CSMD2: variants seen among roughly 807,000 people sequenced by gnomAD.
The protein encoded by CSMD2 is CUB and Sushi multiple domains 2.
CSMD2 carries 130 observed loss-of-function variants against 398.5 expected under a neutral mutation model. That is an observed-to-expected ratio of 0.33 (90% CI 0.28 to 0.38). CSMD2 has a LOEUF of 0.38. CSMD2 is among the 10% of genes least tolerant of loss of function. The pLI is 1.00. For synonymous variants in CSMD2, 1,828 were observed against 1,908.5 expected (o/e 0.96, Z 1.10); for missense variants, 3,829 against 4,764.9 (o/e 0.80, Z 5.78).
At chr1:33,599,784 T>C (rs1221618966) in intron 44 of CSMD2, 1 of 189,632 alleles carries the variant, frequency 5.3e-6, no homozygotes, top group East Asian at 1.3e-4. Context: ...CTCCTGGGAA[T>C]GGCAGTCACA....
At chr1:34,072,952 T>C (rs1655904351) in intron 2 of CSMD2, among the ~76,000 whole-genome samples, 1 of 152,092 alleles carries the variant, frequency 6.6e-6, no homozygotes, top group Non-Finnish European at 1.5e-5. Flanking sequence ...GCTGGTCAGG[T>C]GGTGCTGACC....
chr1:33,888,045 A>G (rs1641717865), intron 5 of CSMD2, among the ~76,000 whole-genome samples: 1 of 152,142 alleles, frequency 6.6e-6, no homozygotes, highest in Non-Finnish European at 1.5e-5. Context: ...GGACCTAGGA[A>G]AAAAACCTAA....
At chr1:33,667,806 G>C (rs1198623864) in intron 25 of CSMD2, among the ~76,000 whole-genome samples, 2 of 152,198 alleles carry the variant, frequency 1.3e-5, no homozygotes, top group African/African-American at 4.8e-5. Context: ...GCAACGGAAA[G>C]GACAGAGGCT....
In CSMD2 at chr1:33,633,377, G is replaced by T; in HGVS notation, c.5200+45C>A. On this transcript the variant is annotated intron_variant, in intron 32 of 70. Transcript: ENST00000373381. This position sits in a 1 kb window ranked among gnomAD's most constrained non-coding sequence, Gnocchi z 5.0. ...CCTCCTTCCTTTAGCCGGACGTGAT[G>T]CCCCCGGCCCACAACCATCCCCACA... 1 of 1,408,016 alleles carries T rather than the reference G, an allele frequency of 7.1e-7. No homozygotes were observed. Among genetic ancestry groups the T allele is most frequent in the Non-Finnish European group, 9.8e-7 (1 of 1,017,640 alleles). The allele number at this position is 1,408,016 out of a possible 1,614,324, so 87.2% of individuals were successfully genotyped here. A position where few individuals can be genotyped will look rare whatever the true frequency, so the allele number is the denominator to read the frequency against.
intron 13 of CSMD2, among the ~76,000 whole-genome samples, chr1:33,751,198 T>A (rs1648189031): frequency 6.6e-6 from 1 of 151,258 alleles, no homozygotes; most frequent in Admixed American, 6.6e-5. Context: ...AACAGAGCTA[T>A]TGAGTTGGGA....
chr1:33,601,260 C>T (rs1640198656), intron 43 of CSMD2, among the ~76,000 whole-genome samples: 2 of 152,172 alleles, frequency 1.3e-5, no homozygotes, highest in South Asian at 4.1e-4. Flanking sequence ...GCCCAATGGG[C>T]TCCTGGGCAA....
chr1:33,707,691 GCGCGCACA>G (rs1489695235), intron 22 of CSMD2, among the ~76,000 whole-genome samples: 2,943 of 56,852 alleles, frequency 0.052, 89 homozygotes, highest in African/African-American at 0.11. Context: ...ACACGCGCGC[GCGCGCACA>G]CACACACACA....
chr1:33,705,951 G>T, intron 22 of CSMD2, among the ~76,000 whole-genome samples: 1 of 148,524 alleles, frequency 6.7e-6, no homozygotes. Flanking sequence ...AAAAAAAACA[G>T]TTGGTTTGGT....
chr1:33,520,051 C>T (rs933177433), intron 68 of CSMD2, 101 bp from the exon 69 acceptor site: 1 of 1,387,654 alleles, frequency 7.2e-7, no homozygotes, highest in African/African-American at 1.4e-5. Context: ...AGGGCTGCCA[C>T]TCAGGGTGCT....
At chr1:33,852,505 C>A (rs562556519) in intron 5 of CSMD2, among the ~76,000 whole-genome samples, 45 of 152,338 alleles carry the variant, frequency 3.0e-4, no homozygotes, top group African/African-American at 1.1e-3. Context: ...CTGTAATGCC[C>A]TTTTCCTGTT....
At chr1:33,890,182 T>G (rs945092475) in intron 5 of CSMD2, among the ~76,000 whole-genome samples, 1 of 151,800 alleles carries the variant, frequency 6.6e-6, no homozygotes, top group African/African-American at 2.4e-5. Context: ...CTCGTCTGCT[T>G]TTGTGGGGAT....
At chr1:34,135,533 G>A (rs1396073409) in intron 1 of CSMD2, among the ~76,000 whole-genome samples, 2 of 135,494 alleles carry the variant, frequency 1.5e-5, no homozygotes, top group Non-Finnish European at 3.0e-5. Flanking sequence ...CAGGAGAATC[G>A]CTTAAACCCG....
chr1:33,933,353 A>G (rs1392129408), intron 4 of CSMD2, among the ~76,000 whole-genome samples: 2 of 152,172 alleles, frequency 1.3e-5, no homozygotes, highest in African/African-American at 4.8e-5. Context: ...CCACCATATT[A>G]GCATTGGATA....
chr1:33,841,582 C>T (rs541551344), intron 6 of CSMD2, among the ~76,000 whole-genome samples: 4 of 152,076 alleles, frequency 2.6e-5, no homozygotes, highest in Admixed American at 1.3e-4. Flanking sequence ...AGACTTGAAA[C>T]ATTCCTGGCC....
At chr1:33,735,302 C>T (rs1263566045) in intron 15 of CSMD2, among the ~76,000 whole-genome samples, 2 of 152,242 alleles carry the variant, frequency 1.3e-5, no homozygotes, top group South Asian at 2.1e-4. Context: ...TTTCCTAGGA[C>T]TGGTGCAAGG....
intron 5 of CSMD2, among the ~76,000 whole-genome samples, chr1:33,892,091 AT>A (rs1558062891): frequency 1.2e-5 from 1 of 85,960 alleles, no homozygotes; most frequent in Non-Finnish European, 2.7e-5. Context: ...TAAAGACACC[AT>A]CAAAAAAAAA....
intron 45 of CSMD2, 64 bp from the exon 46 acceptor site, chr1:33,586,681 A>G: frequency 3.0e-6 from 3 of 1,006,550 alleles, no homozygotes; most frequent in South Asian, 1.3e-5. Context: ...CCTTGAACCC[A>G]CTTCCAGGTG....
rs553076878 is a variant in CSMD2, at chr1:33,617,597, G to A, written c.5848C>T (p.Pro1950Ser). ...CCGTTACTGGGCACAGCAGGTTCCG[G>A]ACAACTGCTCAGGCCCACCGCTAGA... Reference protein sequence around the residue: ...EYKTVGLSSCPEPAVPSNGVK... With the variant: ...EYKTVGLSSCSEPAVPSNGVK... The change falls in exon 38 of 71, where the codon CCG (proline) becomes TCG (serine). Residue 1950 changes from proline to serine, a missense_variant. Coordinates refer to ENST00000373381, the MANE Select transcript of CSMD2 (RefSeq NM_001281956.2). 1.2e-5 allele frequency: 19 copies of A among 1,614,022 alleles called. No individual in the cohort carries two copies. In the East Asian group the frequency reaches 4.0e-4, roughly 34 times the overall value.
Position 33,567,613 on chromosome 1 carries a change from C to T in CSMD2, c.8360G>A (p.Gly2787Asp). The T allele has an allele frequency of 2.5e-6, 4 of 1,614,092 alleles. No homozygotes were observed. Among genetic ancestry groups the T allele is most frequent in the South Asian group, 1.1e-5 (1 of 91,080 alleles). ...RICQQDHHWS[G>D]KTPFCVPITC... ...CTTACGCACACAGAAAGGGGTCTTGCCCGACCAGTGATGATCCTGCTGGCA... is the reference window on the plus strand; with the variant it reads ...CTTACGCACACAGAAAGGGGTCTTGTCCGACCAGTGATGATCCTGCTGGCA... Residue 2787 changes from glycine to aspartate, a missense_variant, in exon 53 of 71, where the codon GGC (glycine) becomes GAC (aspartate). Physicochemically the swap from Gly to Asp is moderately conservative, Grantham distance 94. Around this residue, in one of 5 missense-constraint regions of CSMD2, gnomAD observed 917 missense variants for 1,199.5 expected, o/e 0.76. Coordinates refer to ENST00000373381, the MANE Select transcript of CSMD2 (RefSeq NM_001281956.2).
Sources: allele counts gnomAD v4.1 joint callset (sites outside exome capture counted in the v4.1 genomes callset), GRCh38; gene constraint gnomAD v4.1.1; regional missense constraint gnomAD v4.1.1; non-coding constraint Gnocchi (gnomAD v3.1); transcripts MANE v1.5; gene names NCBI Gene and HGNC (gene_info 2026-07-23, HGNC 2026-07-21).